CNTN5: variants seen among roughly 807,000 people sequenced by gnomAD.
CNTN5 encodes the protein contactin 5, also known as contactin-5.
A neutral mutation model predicts 129.1 loss-of-function variants in CNTN5; 77 were observed. The observed-to-expected ratio is 0.60, with a 90% CI of 0.50 to 0.72. CNTN5 has a LOEUF of 0.72. Ranked by LOEUF, CNTN5 falls within the 30% of genes least tolerant of loss-of-function variation. The probability of loss-of-function intolerance (pLI) is 0.00; values close to 1 mark genes in which losing one functional copy is unlikely to be tolerated. For synonymous variants in CNTN5, 509 were observed against 465.6 expected, an observed-to-expected ratio of 1.09 and a Z score of -1.20; for missense variants, 1,478 against 1,328.8, an observed-to-expected ratio of 1.11 and a Z score of -1.75.
At chr11:99,469,638 T>G (rs1945094395) in intron 2 of CNTN5, among the ~76,000 whole-genome samples, 1 of 152,266 alleles carries the variant, frequency 6.6e-6, no homozygotes, top group East Asian at 1.9e-4. Context: ...ATAATTTATT[T>G]CAATGAGGAT....
chr11:100,046,424 C>CAATT (rs1942680683), intron 9 of CNTN5, among the ~76,000 whole-genome samples: 1 of 152,106 alleles, frequency 6.6e-6, no homozygotes, highest in Admixed American at 6.6e-5. Context: ...TGATTTAAGA[C>CAATT]AATTATGTTA....
chr11:99,939,663 G>A (rs1770782622), intron 7 of CNTN5, among the ~76,000 whole-genome samples: 2 of 151,558 alleles, frequency 1.3e-5, no homozygotes, highest in South Asian at 4.2e-4. Flanking sequence ...AAAAAAATAG[G>A]GCCCAAATCA....
In CNTN5 at chr11:99,305,930, G is replaced by A. The variant is rs536082401; in HGVS notation, c.-209-19416G>A. On this transcript the variant is annotated intron_variant, in intron 1 of 24. Transcript: ENST00000524871. Reference sequence around the variant, plus strand: ...CAGGAGGTGGAGGTTGCAGGGAGCCGAGATCTCGTCTCTGCACTCTAGCCT... The same window carrying A: ...CAGGAGGTGGAGGTTGCAGGGAGCCAAGATCTCGTCTCTGCACTCTAGCCT... Among the ~76,000 whole-genome samples, 14 of 151,816 alleles carry A rather than the reference G, an allele frequency of 9.2e-5. No individual in the cohort carries two copies. The South Asian group carries it at 2.3e-3, about 25-fold the overall frequency.
intron 23 of CNTN5, among the ~76,000 whole-genome samples, chr11:100,347,609 C>T (rs1272229887): frequency 6.6e-6 from 1 of 152,096 alleles, no homozygotes; most frequent in African/African-American, 2.4e-5. Flanking sequence ...AAGCAAACAT[C>T]TGCAACATGC....
chr11:99,824,563 T>G (rs1426996597), intron 4 of CNTN5, among the ~76,000 whole-genome samples: 1 of 151,984 alleles, frequency 6.6e-6, no homozygotes. Context: ...TTGTCAGTAG[T>G]ACCTTTTGTT....
intron 3 of CNTN5, among the ~76,000 whole-genome samples, chr11:99,764,042 A>T (rs1476634200): frequency 6.6e-6 from 1 of 152,150 alleles, no homozygotes; most frequent in Non-Finnish European, 1.5e-5. Context: ...AGTATACTGG[A>T]AATGATATCA....
intron 2 of CNTN5, among the ~76,000 whole-genome samples, chr11:99,538,248 T>G (rs1947972988): frequency 6.6e-6 from 1 of 152,182 alleles, no homozygotes; most frequent in Admixed American, 6.6e-5. Flanking sequence ...ACATTTAATC[T>G]ATAATATCAG....
At chr11:99,664,918 G>C (rs599851) in intron 3 of CNTN5, among the ~76,000 whole-genome samples, 59,161 of 152,048 alleles carry the variant, frequency 0.39, 12,156 homozygotes, top group Admixed American at 0.51. Flanking sequence ...AATGCCAAAT[G>C]TTGTGTCTAA....
At chr11:99,375,892 A>T (rs963810686) in intron 2 of CNTN5, among the ~76,000 whole-genome samples, 6 of 152,196 alleles carry the variant, frequency 3.9e-5, no homozygotes, top group African/African-American at 1.4e-4. Flanking sequence ...GAATTACTTA[A>T]TAAAAAATAT....
At chr11:99,975,121 T>A (rs1340896816) in intron 8 of CNTN5, among the ~76,000 whole-genome samples, 2 of 152,174 alleles carry the variant, frequency 1.3e-5, no homozygotes, top group Admixed American at 1.3e-4. Flanking sequence ...AGACATAGCC[T>A]CAAGAAGCTT....
chr11:99,125,354 A>G (rs976799626), intron 1 of CNTN5, among the ~76,000 whole-genome samples: 1 of 151,476 alleles, frequency 6.6e-6, no homozygotes, highest in African/African-American at 2.4e-5. Context: ...TAAAAAAAAA[A>G]CCAGATTATT....
intron 8 of CNTN5, among the ~76,000 whole-genome samples, chr11:99,996,705 T>C (rs1163487740): frequency 6.6e-6 from 1 of 152,202 alleles, no homozygotes; most frequent in Non-Finnish European, 1.5e-5. Context: ...CTTAATTGAC[T>C]CACAGTTTCA....
chr11:100,296,914 C>A (rs1047962120), intron 18 of CNTN5, among the ~76,000 whole-genome samples: 2 of 151,498 alleles, frequency 1.3e-5, no homozygotes, highest in Non-Finnish European at 3.0e-5. Flanking sequence ...AAAATGATTT[C>A]TTTTAATAGT....
intron 1 of CNTN5, among the ~76,000 whole-genome samples, chr11:99,051,576 A>G (rs1864429041): frequency 6.6e-6 from 1 of 151,952 alleles, no homozygotes; most frequent in Admixed American, 6.6e-5. Flanking sequence ...AGTCAACAGC[A>G]GGTATTGATT....
At chr11:100,029,691 G>A (rs1941607925) in intron 9 of CNTN5, among the ~76,000 whole-genome samples, 1 of 152,196 alleles carries the variant, frequency 6.6e-6, no homozygotes, top group Admixed American at 6.5e-5. Flanking sequence ...GAGACTGACT[G>A]TGGAGTATTC....
At chr11:99,903,582 C>G (rs1297713238) in intron 6 of CNTN5, among the ~76,000 whole-genome samples, 1 of 151,956 alleles carries the variant, frequency 6.6e-6, no homozygotes, top group Non-Finnish European at 1.5e-5. Flanking sequence ...AGGGGCTGTT[C>G]TAAGTAGAGT....
At position 100,308,427 on chromosome 11, in the gene CNTN5, A is replaced by G. The variant is rs749029208; in HGVS notation, c.2689A>G (p.Lys897Glu). ...TGTGTCAGAGATTCTTGTTGCATGG[A>G]AACACATTAAAGAGAGTCTAGGAAG... is the stretch of plus-strand genomic sequence containing the variant. ...VSVSEILVAW[K>E]HIKESLGRPQ... Residue 897 changes from lysine to glutamate, a missense_variant, in exon 21 of 25, where the codon AAA becomes GAA. Physicochemically the swap from Lys to Glu is moderately conservative, Grantham distance 56. Coordinates refer to ENST00000524871, the MANE Select transcript of CNTN5 (RefSeq NM_014361.4). 2.5e-6 allele frequency: 4 copies of G among 1,610,866 alleles called. No homozygotes were observed. The African/African-American group carries it at 4.0e-5, about 16-fold the overall frequency.
At chr11:99,626,412 T>C (rs1037568471) in intron 3 of CNTN5, among the ~76,000 whole-genome samples, 3 of 152,098 alleles carry the variant, frequency 2.0e-5, no homozygotes, top group Non-Finnish European at 4.4e-5. Flanking sequence ...AGAGTATTTA[T>C]AGATTTTTTT....
intron 2 of CNTN5, among the ~76,000 whole-genome samples, chr11:99,439,577 G>A (rs1290066068): frequency 1.3e-5 from 2 of 151,500 alleles, no homozygotes; most frequent in Non-Finnish European, 2.9e-5. Flanking sequence ...GCGTGGTGGT[G>A]TGCACCTGGA....
Sources: allele counts gnomAD v4.1 joint callset (sites outside exome capture counted in the v4.1 genomes callset), GRCh38; gene constraint gnomAD v4.1.1; transcripts MANE v1.5; gene names NCBI Gene and HGNC (gene_info 2026-07-23, HGNC 2026-07-21).